The following TMEM132B variants were observed in gnomAD, a reference collection of about 807,000 sequenced individuals.
TMEM132B encodes transmembrane protein 132B.
TMEM132B carries 18 observed loss-of-function variants against 90.8 expected under a neutral mutation model. That is an observed-to-expected ratio of 0.20 (90% CI 0.14 to 0.29). TMEM132B has a LOEUF of 0.29. Ranked by LOEUF, TMEM132B falls within the 10% of genes least tolerant of loss-of-function variation. The pLI is 1.00. For synonymous variants in TMEM132B, 504 were observed against 523.3 expected (o/e 0.96, Z 0.50); for missense variants, 1,096 against 1,326.8 (o/e 0.83, Z 2.70).
At chr12:125,639,412 A>G (rs560327158) in intron 5 of TMEM132B, among the ~76,000 whole-genome samples, 1 of 152,360 alleles carries the variant, frequency 6.6e-6, no homozygotes, top group East Asian at 1.9e-4. Context: ...ACAGAAATGA[A>G]TGGGTCTCAG....
intron 5 of TMEM132B, chr12:125,587,812 A>G (rs1885215541): frequency 6.6e-6 from 1 of 152,264 alleles, no homozygotes; most frequent in Non-Finnish European, 1.5e-5. Context: ...AGAATTCTGT[A>G]TCTTTCTAGG....
chr12:125,553,573 C>G (rs534085185), intron 4 of TMEM132B, among the ~76,000 whole-genome samples: 3 of 152,056 alleles, frequency 2.0e-5, no homozygotes, highest in Non-Finnish European at 1.5e-5. Context: ...TGGGGTCTGA[C>G]GGAGGAAAGT....
chr12:125,437,156 G>T (rs1200275363), intron 3 of TMEM132B, among the ~76,000 whole-genome samples: 2 of 152,188 alleles, frequency 1.3e-5, no homozygotes, highest in African/African-American at 4.8e-5. Context: ...AGGAGGGGCT[G>T]CCTGGGAGGG....
At chr12:125,417,442 C>A (rs1880047924) in intron 3 of TMEM132B, among the ~76,000 whole-genome samples, 1 of 152,022 alleles carries the variant, frequency 6.6e-6, no homozygotes, top group Non-Finnish European at 1.5e-5. Context: ...AGAATGGGTG[C>A]CTACTGGGTG....
At chr12:125,543,939 G>A (rs574904316) in intron 4 of TMEM132B, among the ~76,000 whole-genome samples, 28 of 152,218 alleles carry the variant, frequency 1.8e-4, no homozygotes, top group African/African-American at 6.3e-4. Flanking sequence ...CAAAGACATG[G>A]AATCAACCCA....
At chr12:125,219,131 T>G (rs749950746) in intron 1 of TMEM132B, among the ~76,000 whole-genome samples, 2 of 152,194 alleles carry the variant, frequency 1.3e-5, no homozygotes, top group Non-Finnish European at 1.5e-5. Context: ...ATTGCTGGAG[T>G]GTTGCAATAA....
At chr12:125,497,213 A>C (rs1882585312) in intron 3 of TMEM132B, among the ~76,000 whole-genome samples, 2 of 152,208 alleles carry the variant, frequency 1.3e-5, no homozygotes, top group South Asian at 4.1e-4. Context: ...CAGTACTTTA[A>C]GTGTCTAGGT....
intron 4 of TMEM132B, among the ~76,000 whole-genome samples, chr12:125,563,405 G>A (rs1336530040): frequency 2.6e-5 from 4 of 151,918 alleles, no homozygotes; most frequent in African/African-American, 9.7e-5. Context: ...TCAAGAGATC[G>A]AGACTAACCT....
At chr12:125,486,998 C>T (rs61945405) in intron 3 of TMEM132B, among the ~76,000 whole-genome samples, 17,751 of 152,096 alleles carry the variant, frequency 0.12, 1,103 homozygotes, top group African/African-American at 0.15. Context: ...AAATTTGTTC[C>T]GAAACCATAA....
chr12:125,249,367 C>A (rs1874269414), intron 1 of TMEM132B, among the ~76,000 whole-genome samples: 1 of 152,166 alleles, frequency 6.6e-6, no homozygotes, highest in Non-Finnish European at 1.5e-5. Flanking sequence ...GCTCTGAGAA[C>A]CACCGAGTGA....
intron 2 of TMEM132B, among the ~76,000 whole-genome samples, chr12:125,365,521 A>G (rs1211370536): frequency 6.6e-6 from 1 of 152,040 alleles, no homozygotes; most frequent in Non-Finnish European, 1.5e-5. Flanking sequence ...CTGGGGATCT[A>G]AGTTTTCATT....
intron 1 of TMEM132B, among the ~76,000 whole-genome samples, chr12:125,195,845 G>C (rs949713957): frequency 2.0e-5 from 3 of 152,294 alleles, no homozygotes; most frequent in South Asian, 2.1e-4. Flanking sequence ...GTGGGAATGT[G>C]CTTGGCAGGG....
chr12:125,383,450 A>G (rs1226909224), intron 2 of TMEM132B, among the ~76,000 whole-genome samples: 1 of 152,214 alleles, frequency 6.6e-6, no homozygotes. Flanking sequence ...TTTTCCTAGT[A>G]CACATTAAAA....
At chr12:125,386,196 C>G (rs761631396) in intron 2 of TMEM132B, among the ~76,000 whole-genome samples, 2 of 152,146 alleles carry the variant, frequency 1.3e-5, no homozygotes, top group African/African-American at 2.4e-5. Context: ...CCATGTCAGC[C>G]AGTCTGGTCT....
chr12:125,418,290 G>A (rs1165202322), intron 3 of TMEM132B, among the ~76,000 whole-genome samples: 1 of 152,088 alleles, frequency 6.6e-6, no homozygotes, highest in Non-Finnish European at 1.5e-5. Flanking sequence ...GGGGAAAAAA[G>A]TAAAGTAGTT....
chr12:125,294,367 T>C (rs1875616295), intron 1 of TMEM132B, among the ~76,000 whole-genome samples: 1 of 152,254 alleles, frequency 6.6e-6, no homozygotes. Flanking sequence ...CATGCACTGT[T>C]GGACCTGGTA....
intron 5 of TMEM132B, among the ~76,000 whole-genome samples, chr12:125,601,397 A>G (rs1885568512): frequency 1.3e-5 from 2 of 152,378 alleles, no homozygotes; most frequent in East Asian, 3.9e-4. Flanking sequence ...ATAGAAATCA[A>G]GAAGTTTTTT....
chr12:125,218,907 A>G (rs1391569970), intron 1 of TMEM132B, among the ~76,000 whole-genome samples: 1 of 151,890 alleles, frequency 6.6e-6, no homozygotes, highest in Non-Finnish European at 1.5e-5. Flanking sequence ...CACTTAATGG[A>G]TACAGGGTCT....
intron 1 of TMEM132B, among the ~76,000 whole-genome samples, chr12:125,286,442 T>C (rs1202890369): frequency 6.6e-6 from 1 of 152,260 alleles, no homozygotes; most frequent in Admixed American, 6.5e-5. Context: ...GACTCTGGGT[T>C]CTTCAAGGAT....
Sources: gnomAD v4.1 joint callset for allele counts (sites outside exome capture counted in the v4.1 genomes callset) on GRCh38, gnomAD v4.1.1 for gene constraint, MANE v1.5 for transcripts, NCBI Gene and HGNC (gene_info 2026-07-23, HGNC 2026-07-21) for gene names.